ADGB: variants seen among roughly 807,000 people sequenced by gnomAD.
ADGB encodes androglobin.
A neutral mutation model predicts 210.5 loss-of-function variants in ADGB; 172 were observed. That is an observed-to-expected ratio of 0.82 (90% CI 0.72 to 0.93). The LOEUF (loss-of-function observed/expected upper bound fraction) is 0.93, where lower values mean the gene tolerates loss of function less well. ADGB is among the 40% of genes least tolerant of loss of function. ADGB has a pLI of 0.00. For missense variants in ADGB, 2,025 were observed against 1,964.8 expected (o/e 1.03, Z -0.58); for synonymous variants, 658 against 662.7 (o/e 0.99, Z 0.11).
At chr6:146,600,290 G>T in intron 1 of ADGB, 1 of 204,124 alleles carries the variant, frequency 4.9e-6, no homozygotes, top group African/African-American at 2.4e-5. Flanking sequence ...GTGTACCAAA[G>T]TCAGGTCTTT....
At chr6:146,745,790 C>T in intron 25 of ADGB, 132 bp from the exon 26 acceptor site, 1 of 614,482 alleles carries the variant, frequency 1.6e-6, no homozygotes, top group South Asian at 4.3e-5. Context: ...CCTAGTGATT[C>T]TATGTTTATT....
At chr6:146,621,340 T>C (rs1780890918) in intron 1 of ADGB, among the ~76,000 whole-genome samples, 2 of 152,212 alleles carry the variant, frequency 1.3e-5, no homozygotes, top group South Asian at 4.1e-4. Context: ...CCAAAATCCA[T>C]GCATCAGTTA....
intron 3 of ADGB, among the ~76,000 whole-genome samples, chr6:146,653,700 A>G (rs1047346695): frequency 6.6e-6 from 1 of 152,256 alleles, no homozygotes; most frequent in Non-Finnish European, 1.5e-5. Context: ...ACGTAAGTTT[A>G]CCTATGTAAC....
At chr6:146,764,853 G>C (rs1777548955) in intron 28 of ADGB, among the ~76,000 whole-genome samples, 1 of 152,176 alleles carries the variant, frequency 6.6e-6, no homozygotes, top group South Asian at 2.1e-4. Context: ...AGGCTGGAGT[G>C]CAATGGCGTG....
chr6:146,674,361 T>A (rs906524887), intron 8 of ADGB, among the ~76,000 whole-genome samples: 1 of 152,148 alleles, frequency 6.6e-6, no homozygotes. Flanking sequence ...AATTGGTTTT[T>A]TTTTTTAAGT....
At chr6:146,681,100 A>T (rs1385094957) in intron 9 of ADGB, among the ~76,000 whole-genome samples, 1 of 152,162 alleles carries the variant, frequency 6.6e-6, no homozygotes, top group African/African-American at 2.4e-5. Flanking sequence ...AAAGTCCAGG[A>T]TATATTTTGG....
Position 146,635,528 on chromosome 6 carries a change from C to G in ADGB, c.228C>G (p.Ser76Arg). ...GAKEKDKTGKSPVFHFFEDPE... is the reference protein window; with the variant it reads ...GAKEKDKTGKRPVFHFFEDPE... ...AAGAAAAGGACAAAACAGGAAAAAG[C>G]CCTGTATTTGTAAGTAGATGTAAAT... The change falls in exon 2 of 36, where the codon AGC (serine) becomes AGG (arginine). Residue 76 changes from serine (S) to arginine (R), a missense_variant. Coordinates refer to ENST00000397944, the MANE Select transcript of ADGB (RefSeq NM_024694.4). The G allele has an allele frequency of 6.5e-7, 1 of 1,533,032 alleles. No homozygotes were observed. Among genetic ancestry groups the G allele is most frequent in the Non-Finnish European group, 8.8e-7 (1 of 1,138,962 alleles). 95.0% of individuals were successfully genotyped at this position (1,533,032 alleles called of 1,614,324 possible).
intron 5 of ADGB, among the ~76,000 whole-genome samples, chr6:146,662,544 G>C (rs1443740925): frequency 2.0e-5 from 3 of 151,886 alleles, no homozygotes; most frequent in African/African-American, 4.8e-5. Context: ...ATAATTGCTT[G>C]TTGGAACATT....
At chr6:146,774,484 TG>T (rs1178107855) in intron 29 of ADGB, among the ~76,000 whole-genome samples, 6 of 152,332 alleles carry the variant, frequency 3.9e-5, no homozygotes, top group Admixed American at 3.9e-4. Flanking sequence ...TTACATAGTA[TG>T]TTTGTTGCTG....
intron 11 of ADGB, 135 bp downstream of exon 11, chr6:146,691,425 T>TATATATAAAA (rs1776308463): frequency 2.0e-4 from 14 of 71,640 alleles, no homozygotes; most frequent in African/African-American, 1.7e-3. Context: ...TATATATATA[T>TATATATAAAA]ATATATATAT....
intron 29 of ADGB, among the ~76,000 whole-genome samples, chr6:146,778,210 T>G (rs4896890): frequency 0.47 from 70,974 of 151,952 alleles, 16,946 homozygotes; most frequent in Admixed American, 0.58. Context: ...AAGCTGAAGT[T>G]GTAGCTATGG....
Position 146,666,874 on chromosome 6 carries a change from G to A in ADGB, c.811G>A (p.Gly271Arg). 1 of 1,546,414 alleles carries A rather than the reference G, an allele frequency of 6.5e-7. No individual in the cohort carries two copies. Residue 271 changes from glycine to arginine, a missense_variant, in exon 7 of 36, where the codon GGA becomes AGA. Transcript: ENST00000397944. ...GEFTVIHALT[G>R]WLPEVISLHP... ...GTTCACGGTTATTCATGCGCTCACA[G>A]GATGGTTACCAGAAGTCATTTCTCT...
chr6:146,658,059 A>G (rs527928421), intron 5 of ADGB, among the ~76,000 whole-genome samples: 10 of 152,318 alleles, frequency 6.6e-5, no homozygotes, highest in African/African-American at 2.2e-4. Context: ...TATATTTATG[A>G]AAATGTAACT....
intron 9 of ADGB, among the ~76,000 whole-genome samples, chr6:146,679,869 GA>G (rs1331726084): frequency 6.6e-6 from 1 of 152,072 alleles, no homozygotes; most frequent in Non-Finnish European, 1.5e-5. Context: ...CAATATTTGA[GA>G]AAAAATGATT....
At chr6:146,720,395 T>C (rs1409698180) in intron 16 of ADGB, among the ~76,000 whole-genome samples, 2 of 152,198 alleles carry the variant, frequency 1.3e-5, no homozygotes, top group African/African-American at 2.4e-5. Context: ...ACATTAATAG[T>C]ACCCATATAG....
At chr6:146,735,929 AG>A (rs1777072930) in intron 22 of ADGB, among the ~76,000 whole-genome samples, 1 of 152,234 alleles carries the variant, frequency 6.6e-6, no homozygotes, top group African/African-American at 2.4e-5. Flanking sequence ...ATAATAGACA[AG>A]TAAATATATG....
intron 1 of ADGB, among the ~76,000 whole-genome samples, chr6:146,630,724 G>A (rs1583566171): frequency 6.6e-6 from 1 of 152,146 alleles, no homozygotes; most frequent in South Asian, 2.1e-4. Flanking sequence ...AGGAAAGGAA[G>A]TATTCCAATC....
chr6:146,710,582 T>C (rs1455866613), intron 13 of ADGB, among the ~76,000 whole-genome samples: 1 of 152,122 alleles, frequency 6.6e-6, no homozygotes, highest in Non-Finnish European at 1.5e-5. Flanking sequence ...TATAAGATAC[T>C]CTGGAGGGCA....
intron 2 of ADGB, among the ~76,000 whole-genome samples, chr6:146,641,922 A>G (rs1775522052): frequency 6.6e-6 from 1 of 152,174 alleles, no homozygotes; most frequent in South Asian, 2.1e-4. Context: ...ATTAAACTTA[A>G]GAGCTTCTGC....
Sources: gnomAD v4.1 joint callset for allele counts (sites outside exome capture counted in the v4.1 genomes callset) on GRCh38, gnomAD v4.1.1 for gene constraint, MANE v1.5 for transcripts, NCBI Gene and HGNC (gene_info 2026-07-23, HGNC 2026-07-21) for gene names.